The following NBEA variants were observed in gnomAD, a reference collection of about 807,000 sequenced individuals.
NBEA encodes neurobeachin.
Under a neutral mutation model 343.4 loss-of-function variants are expected in NBEA, and 44 were observed. The observed-to-expected ratio is 0.13, with a 90% CI of 0.10 to 0.16. NBEA has a LOEUF of 0.16. NBEA is among the 10% of genes least tolerant of loss of function. NBEA has a pLI of 1.00. For missense variants in NBEA, 2,555 were observed against 3,631.3 expected (o/e 0.70, Z 7.62); for synonymous variants, 1,175 against 1,238.7 (o/e 0.95, Z 1.08).
At chr13:35,322,087 C>A (rs1302634213) in intron 36 of NBEA, among the ~76,000 whole-genome samples, 1 of 152,062 alleles carries the variant, frequency 6.6e-6, no homozygotes, top group African/African-American at 2.4e-5. Flanking sequence ...GCTTCAGCCC[C>A]CTTTGCAGGG....
intron 27 of NBEA, among the ~76,000 whole-genome samples, chr13:35,174,883 C>G (rs1322736592): frequency 3.3e-5 from 5 of 151,556 alleles, no homozygotes; most frequent in Non-Finnish European, 5.9e-5. Flanking sequence ...ACCTCCGCCT[C>G]CTGGATTCAA....
chr13:35,075,615 A>T (rs1439177930), intron 10 of NBEA, among the ~76,000 whole-genome samples: 1 of 152,084 alleles, frequency 6.6e-6, no homozygotes, highest in Non-Finnish European at 1.5e-5. Context: ...GTCCTCTTGT[A>T]ATGTGAATAT....
chr13:35,669,798 G>T (rs951285080), intron 58 of NBEA, among the ~76,000 whole-genome samples: 13 of 152,180 alleles, frequency 8.5e-5, no homozygotes, highest in South Asian at 4.1e-4. Context: ...AGAGAGCTCA[G>T]ATCCTCATAA....
intron 1 of NBEA, among the ~76,000 whole-genome samples, chr13:34,948,651 C>T (rs1215358051): frequency 6.6e-6 from 1 of 151,960 alleles, no homozygotes; most frequent in East Asian, 1.9e-4. Context: ...GGAAACAGAC[C>T]TTAGATTTTG....
chr13:35,446,946 A>G (rs2046080026), intron 39 of NBEA, among the ~76,000 whole-genome samples: 2 of 152,058 alleles, frequency 1.3e-5, no homozygotes, highest in Non-Finnish European at 2.9e-5. Context: ...TTATGTGGTT[A>G]TATCTCTTTT....
At chr13:35,587,347 C>T (rs1311468118) in intron 46 of NBEA, among the ~76,000 whole-genome samples, 2 of 152,112 alleles carry the variant, frequency 1.3e-5, no homozygotes, top group Non-Finnish European at 2.9e-5. Context: ...TCAAGGGGAC[C>T]ACCAAAACTG....
chr13:35,510,516 C>T (rs1347168341), intron 41 of NBEA, among the ~76,000 whole-genome samples: 2 of 151,760 alleles, frequency 1.3e-5, no homozygotes, highest in Non-Finnish European at 2.9e-5. Flanking sequence ...AGCCACCTCG[C>T]TGGGATGTGT....
At position 35,196,147 on chromosome 13, in the gene NBEA, A is replaced by G. The variant is rs989236823; in HGVS notation, c.5211A>G (p.Gln1737=). 24 of 1,613,702 alleles carry G rather than the reference A, an allele frequency of 1.5e-5. No homozygotes were observed. Among genetic ancestry groups the G allele is most frequent in the Non-Finnish European group, 2.0e-5 (24 of 1,179,740 alleles). Residue 1737 remains glutamine (Q), a synonymous_variant, in exon 31 of 59, where the codon CAA becomes CAG. Coordinates refer to ENST00000379939, the MANE Select transcript of NBEA (RefSeq NM_001385012.1). ...KPATSISSIS[Q]TKGINVKEIL... ...CAACATCCATATCTAGCATTAGTCA[A>G]ACCAAAGGCATCAATGTGAAGGAAA...
intron 1 of NBEA, among the ~76,000 whole-genome samples, chr13:34,997,049 A>T (rs1441600122): frequency 6.6e-6 from 1 of 152,120 alleles, no homozygotes; most frequent in African/African-American, 2.4e-5. Context: ...TGGTGTAGGG[A>T]TTCCGTGATT....
intron 41 of NBEA, among the ~76,000 whole-genome samples, chr13:35,545,755 G>T (rs2079031736): frequency 6.6e-6 from 1 of 152,132 alleles, no homozygotes; most frequent in African/African-American, 2.4e-5. Context: ...CATTGTAAAG[G>T]TAGTGTCTTC....
At chr13:35,177,750 A>G (rs949751332) in intron 28 of NBEA, among the ~76,000 whole-genome samples, 6 of 151,770 alleles carry the variant, frequency 4.0e-5, no homozygotes, top group Admixed American at 6.6e-5. Context: ...TAACATGGTT[A>G]TTATAAACCA....
intron 18 of NBEA, among the ~76,000 whole-genome samples, chr13:35,151,684 A>G (rs1020049314): frequency 1.8e-4 from 28 of 152,084 alleles, no homozygotes; most frequent in South Asian, 6.2e-4. Flanking sequence ...ATTTATGTCT[A>G]TAGTTTTCTG....
intron 1 of NBEA, among the ~76,000 whole-genome samples, chr13:34,981,177 T>C (rs2060344823): frequency 6.6e-6 from 1 of 152,180 alleles, no homozygotes; most frequent in Non-Finnish European, 1.5e-5. Flanking sequence ...CAATGTGTGG[T>C]CTTTTGTGCC....
intron 18 of NBEA, among the ~76,000 whole-genome samples, chr13:35,145,508 C>G (rs1273269328): frequency 6.6e-6 from 1 of 152,194 alleles, no homozygotes; most frequent in Non-Finnish European, 1.5e-5. Context: ...ATGTCATCCA[C>G]ATATTGGCGT....
intron 38 of NBEA, among the ~76,000 whole-genome samples, chr13:35,399,290 A>T (rs1479109206): frequency 6.6e-6 from 1 of 152,146 alleles, no homozygotes; most frequent in Non-Finnish European, 1.5e-5. Flanking sequence ...CACTGTTTTA[A>T]AGATAGTGCC....
chr13:35,321,473 C>G (rs2038135788), intron 36 of NBEA, among the ~76,000 whole-genome samples: 1 of 152,122 alleles, frequency 6.6e-6, no homozygotes, highest in Admixed American at 6.5e-5. Context: ...GAAGCTTTTT[C>G]CCAGAGTGGC....
At chr13:35,448,675 A>G (rs1193010875) in intron 39 of NBEA, among the ~76,000 whole-genome samples, 1 of 152,192 alleles carries the variant, frequency 6.6e-6, no homozygotes, top group African/African-American at 2.4e-5. Flanking sequence ...CAATATCTAT[A>G]AATTATGCAG....
chr13:35,329,403 A>G (rs1245199864), intron 36 of NBEA, among the ~76,000 whole-genome samples: 1 of 151,990 alleles, frequency 6.6e-6, no homozygotes, highest in East Asian at 1.9e-4. Context: ...TATTCGTAGC[A>G]GTTTTATTCG....
chr13:35,253,552 C>T (rs2032228911), intron 34 of NBEA, among the ~76,000 whole-genome samples: 1 of 152,156 alleles, frequency 6.6e-6, no homozygotes, highest in Admixed American at 6.5e-5. Context: ...CTGAGGATGC[C>T]TGTATTTTTA....
Sources: gnomAD v4.1 joint callset for allele counts (sites outside exome capture counted in the v4.1 genomes callset) on GRCh38, gnomAD v4.1.1 for gene constraint, MANE v1.5 for transcripts, NCBI Gene and HGNC (gene_info 2026-07-23, HGNC 2026-07-21) for gene names.